HEMK2: variants seen among roughly 807,000 people sequenced by gnomAD.
HEMK2 encodes methyltransferase HEMK2.
chr21:28,753,512 T>C, the HEMK2 span, among the ~76,000 whole-genome samples: 1 of 152,104 alleles, frequency 6.6e-6, no homozygotes, highest in African/African-American at 2.4e-5. Context: ...AGGGTCATTA[T>C]GGGAGCAGAA....
At chr21:28,628,769 G>T in the HEMK2 span, among the ~76,000 whole-genome samples, 2 of 152,182 alleles carry the variant, frequency 1.3e-5, no homozygotes. Flanking sequence ...AAGTTTTCTT[G>T]AACAGTCCTA....
chr21:28,739,805 T>C, the HEMK2 span, among the ~76,000 whole-genome samples: 1 of 152,190 alleles, frequency 6.6e-6, no homozygotes, highest in Non-Finnish European at 1.5e-5. Context: ...GTGTCTACCA[T>C]ATTGGACAGC....
chr21:28,855,364 G>A, the HEMK2 span, among the ~76,000 whole-genome samples: 2 of 152,310 alleles, frequency 1.3e-5, no homozygotes, highest in South Asian at 4.1e-4. Flanking sequence ...TATAAAGCAA[G>A]TTCTTAGAGA....
chr21:28,863,495 G>A, the HEMK2 span, among the ~76,000 whole-genome samples: 1 of 125,570 alleles, frequency 8.0e-6, no homozygotes, highest in East Asian at 2.7e-4. Flanking sequence ...TCCCTCTAGA[G>A]AACGCTAATA....
the HEMK2 span, among the ~76,000 whole-genome samples, chr21:28,600,530 T>C: frequency 0.018 from 2,710 of 152,316 alleles, 104 homozygotes; most frequent in African/African-American, 0.063. Context: ...GGGCCTGTGA[T>C]GATAAGGGCT....
chr21:28,847,236 ACCAGCAATGTATAAGCATTC>A, the HEMK2 span, among the ~76,000 whole-genome samples: 1 of 152,328 alleles, frequency 6.6e-6, no homozygotes, highest in East Asian at 1.9e-4. Context: ...TTATATTCCC[ACCAGCAATGTATAAGCATTC>A]CCTTTTCTCT....
chr21:28,834,427 A>C, the HEMK2 span, among the ~76,000 whole-genome samples: 1 of 152,168 alleles, frequency 6.6e-6, no homozygotes, highest in Non-Finnish European at 1.5e-5. Context: ...GAATTTTCTT[A>C]CTTTACCTGA....
At chr21:28,605,301 A>C in the HEMK2 span, among the ~76,000 whole-genome samples, 4 of 152,254 alleles carry the variant, frequency 2.6e-5, no homozygotes, top group African/African-American at 9.6e-5. Context: ...AAGCGGAAGA[A>C]GAACAGATTG....
At chr21:28,812,325 C>T in the HEMK2 span, among the ~76,000 whole-genome samples, 43 of 152,148 alleles carry the variant, frequency 2.8e-4, no homozygotes, top group South Asian at 8.7e-3. Context: ...CCATCAATAC[C>T]TAGTTTATTG....
chr21:28,738,618 C>A, the HEMK2 span, among the ~76,000 whole-genome samples: 1 of 151,936 alleles, frequency 6.6e-6, no homozygotes, highest in East Asian at 1.9e-4. Flanking sequence ...AACAGTCCCA[C>A]GGAGAAGCCA....
chr21:28,707,806 G>T, the HEMK2 span, among the ~76,000 whole-genome samples: 1 of 151,744 alleles, frequency 6.6e-6, no homozygotes, highest in Admixed American at 6.6e-5. Flanking sequence ...AGACAGAAAA[G>T]AAATAAAAAC....
the HEMK2 span, among the ~76,000 whole-genome samples, chr21:28,854,747 A>G: frequency 6.6e-6 from 1 of 152,094 alleles, no homozygotes; most frequent in Admixed American, 6.5e-5. Context: ...GCCTACATAT[A>G]TTCTAGTCAC....
chr21:28,656,050 G>A, the HEMK2 span, among the ~76,000 whole-genome samples: 4 of 151,964 alleles, frequency 2.6e-5, no homozygotes, highest in Non-Finnish European at 5.9e-5. Context: ...ACTGAGTTTT[G>A]TCAGGAAAAT....
the HEMK2 span, among the ~76,000 whole-genome samples, chr21:28,781,147 G>A: frequency 6.6e-6 from 1 of 151,640 alleles, no homozygotes; most frequent in Non-Finnish European, 1.5e-5. Flanking sequence ...ATGCACCCAG[G>A]GCCAGGACAG....
the HEMK2 span, among the ~76,000 whole-genome samples, chr21:28,775,622 A>G: frequency 6.6e-6 from 1 of 152,210 alleles, no homozygotes; most frequent in African/African-American, 2.4e-5. Flanking sequence ...AAGTCAAAAA[A>G]TAATGCTTTT....
chr21:28,769,329 G>A, the HEMK2 span, among the ~76,000 whole-genome samples: 1 of 151,996 alleles, frequency 6.6e-6, no homozygotes, highest in South Asian at 2.1e-4. Flanking sequence ...TAACTTATAC[G>A]GTTTGGAATT....
chr21:28,641,927 C>A, the HEMK2 span, among the ~76,000 whole-genome samples: 1 of 152,182 alleles, frequency 6.6e-6, no homozygotes, highest in Non-Finnish European at 1.5e-5. Context: ...AGGATAAATT[C>A]TCTCCCACAA....
chr21:28,701,452 T>C, the HEMK2 span, among the ~76,000 whole-genome samples: 6 of 152,026 alleles, frequency 3.9e-5, no homozygotes, highest in African/African-American at 7.2e-5. Flanking sequence ...AGTTTCAGTA[T>C]ACAAAATTAA....
chr21:28,616,201 G>A, the HEMK2 span, among the ~76,000 whole-genome samples: 1 of 152,100 alleles, frequency 6.6e-6, no homozygotes, highest in African/African-American at 2.4e-5. Context: ...ATTTTTCAAG[G>A]CTGAAGATAG....
Sources: gnomAD v4.1 joint callset for allele counts (sites outside exome capture counted in the v4.1 genomes callset) on GRCh38, gnomAD v4.1.1 for gene constraint, MANE v1.5 for transcripts, NCBI Gene and HGNC (gene_info 2026-07-23, HGNC 2026-07-21) for gene names.